The following SAXO5 variants were observed in gnomAD, a reference collection of about 807,000 sequenced individuals.
The protein encoded by SAXO5 is stabilizer of axonemal microtubules 5.
chr19:7,499,967 G>GTGTGTGTGT, the SAXO5 span: 1 of 29,496 alleles, frequency 3.4e-5, no homozygotes, highest in East Asian at 7.5e-4. Flanking sequence ...TGTGTGTGTG[G>GTGTGTGTGT]AGACGGGGTC....
chr19:7,506,815 T>C, the SAXO5 span: 4 of 302,316 alleles, frequency 1.3e-5, no homozygotes, highest in Admixed American at 9.1e-5. Context: ...ACCTCCTCCC[T>C]CTTCCCCAGC....
chr19:7,500,966 C>T, the SAXO5 span: 6 of 1,560,516 alleles, frequency 3.8e-6, no homozygotes, highest in Non-Finnish European at 5.2e-6. Flanking sequence ...GGGACTTTGC[C>T]TACCCGGCTG....
chr19:7,506,999 CCT>C, the SAXO5 span: 1 of 1,445,480 alleles, frequency 6.9e-7, no homozygotes, highest in South Asian at 1.1e-5. Flanking sequence ...TTCACCACAC[CCT>C]CAGCCCCGCC....
At chr19:7,501,774 T>C in the SAXO5 span, among the ~76,000 whole-genome samples, 1 of 151,140 alleles carries the variant, frequency 6.6e-6, no homozygotes, top group East Asian at 2.0e-4. Context: ...TGAGCTGAGA[T>C]TGTGCCACCG....
the SAXO5 span, chr19:7,506,132 T>C: frequency 1.9e-6 from 3 of 1,611,826 alleles, no homozygotes; most frequent in Non-Finnish European, 2.5e-6. Flanking sequence ...CAACCTCCAC[T>C]TGCAGCAAAG....
the SAXO5 span, chr19:7,505,559 T>G: frequency 6.2e-7 from 1 of 1,614,050 alleles, no homozygotes. Context: ...GAGTCGCACA[T>G]CCTGAAAGGA....
the SAXO5 span, among the ~76,000 whole-genome samples, chr19:7,507,995 C>T: frequency 6.6e-6 from 1 of 152,142 alleles, no homozygotes; most frequent in Non-Finnish European, 1.5e-5. Context: ...CATAACTCCA[C>T]CCTTCTGGCC....
At chr19:7,504,891 G>T in the SAXO5 span, among the ~76,000 whole-genome samples, 1 of 151,862 alleles carries the variant, frequency 6.6e-6, no homozygotes, top group African/African-American at 2.4e-5. Flanking sequence ...GAGCCCCACA[G>T]CTTGGTCATT....
At chr19:7,503,282 G>T in the SAXO5 span, among the ~76,000 whole-genome samples, 1 of 151,938 alleles carries the variant, frequency 6.6e-6, no homozygotes, top group East Asian at 2.0e-4. Context: ...CAGGAGAATC[G>T]CTTGAACCTG....
At chr19:7,508,397 G>A in the SAXO5 span, 1 of 1,613,112 alleles carries the variant, frequency 6.2e-7, no homozygotes, top group Non-Finnish European at 8.5e-7. Flanking sequence ...TGGTCCCCCA[G>A]CCCCCTATGT....
At chr19:7,504,230 T>C in the SAXO5 span, 251 of 1,613,962 alleles carry the variant, frequency 1.6e-4, no homozygotes, top group Non-Finnish European at 2.0e-4. Flanking sequence ...AGAGGGTAAA[T>C]TGAGGCTGTG....
chr19:7,507,042 A>G, the SAXO5 span: 46 of 1,611,632 alleles, frequency 2.9e-5, no homozygotes, highest in East Asian at 7.4e-4. Context: ...AGCCTCCCCA[A>G]CCTGAATCTC....
chr19:7,498,090 G>T, the SAXO5 span, among the ~76,000 whole-genome samples: 1 of 149,336 alleles, frequency 6.7e-6, no homozygotes, highest in African/African-American at 2.5e-5. Flanking sequence ...GGAAGAGGTT[G>T]CAGTGAGCTG....
At chr19:7,507,747 C>T in the SAXO5 span, among the ~76,000 whole-genome samples, 1 of 152,084 alleles carries the variant, frequency 6.6e-6, no homozygotes. Flanking sequence ...CAGGGACACC[C>T]CTGGTTTCTC....
the SAXO5 span, chr19:7,506,889 C>G: frequency 1.7e-6 from 1 of 593,176 alleles, no homozygotes; most frequent in Non-Finnish European, 3.0e-6. Context: ...GCTTCTCCCT[C>G]CTTCTTTGGC....
At chr19:7,504,084 C>G in the SAXO5 span, 1 of 1,444,886 alleles carries the variant, frequency 6.9e-7, no homozygotes, top group South Asian at 1.2e-5. Context: ...ATCTCAATCT[C>G]TCTCTCTCTC....
the SAXO5 span, among the ~76,000 whole-genome samples, chr19:7,499,193 T>A: frequency 6.6e-6 from 1 of 151,972 alleles, no homozygotes; most frequent in Non-Finnish European, 1.5e-5. Context: ...GTACCTGTTA[T>A]CCCAGCTACT....
chr19:7,507,801 C>G, the SAXO5 span, among the ~76,000 whole-genome samples: 1 of 152,082 alleles, frequency 6.6e-6, no homozygotes, highest in South Asian at 2.1e-4. Flanking sequence ...GCCTGGGGCC[C>G]TTTTTGCCCA....
At chr19:7,501,351 C>G in the SAXO5 span, 2 of 1,548,576 alleles carry the variant, frequency 1.3e-6, no homozygotes, top group South Asian at 2.4e-5. Flanking sequence ...GGCGCTCTTT[C>G]CACCCCACGA....
Sources: allele counts gnomAD v4.1 joint callset (sites outside exome capture counted in the v4.1 genomes callset), GRCh38; gene constraint gnomAD v4.1.1; transcripts MANE v1.5; gene names NCBI Gene and HGNC (gene_info 2026-07-23, HGNC 2026-07-21).